Variants in SOX5 observed in about 807,000 individuals in gnomAD.
The protein encoded by SOX5 is SRY-box transcription factor 5.
Under a neutral mutation model 92.0 loss-of-function variants are expected in SOX5, and 9 were observed. That is an observed-to-expected ratio of 0.10 (90% CI 0.06 to 0.17). SOX5 has a LOEUF of 0.17. SOX5 is among the 10% of genes least tolerant of loss of function. SOX5 has a pLI of 1.00. For missense variants in SOX5, 642 were observed against 944.5 expected, an observed-to-expected ratio of 0.68 and a Z score of 4.20; for synonymous variants, 344 against 336.3, an observed-to-expected ratio of 1.02 and a Z score of -0.25.
chr12:24,187,164 A>T (rs939210987), intron 4 of SOX5, among the ~76,000 whole-genome samples: 44 of 152,284 alleles, frequency 2.9e-4, no homozygotes, highest in African/African-American at 1.1e-3. Context: ...CGTGGCTCAG[A>T]AGCATCTGAG....
chr12:23,721,994 A>T (rs777659859), intron 6 of SOX5, among the ~76,000 whole-genome samples: 1 of 152,218 alleles, frequency 6.6e-6, no homozygotes. Flanking sequence ...GGTAAATATC[A>T]TTGAGAAATA....
chr12:24,168,781 G>A (rs1230920274), intron 4 of SOX5, among the ~76,000 whole-genome samples: 1 of 152,104 alleles, frequency 6.6e-6, no homozygotes, highest in Non-Finnish European at 1.5e-5. Context: ...ACGGTGGGAG[G>A]AAAATCTTAC....
chr12:23,540,638 C>A (rs1219634258), intron 13 of SOX5, among the ~76,000 whole-genome samples: 1 of 152,100 alleles, frequency 6.6e-6, no homozygotes, highest in African/African-American at 2.4e-5. Flanking sequence ...TATATCTAAT[C>A]AGAAAAAGAT....
At chr12:24,125,262 C>A (rs1442090252) in intron 4 of SOX5, among the ~76,000 whole-genome samples, 1 of 152,156 alleles carries the variant, frequency 6.6e-6, no homozygotes, top group South Asian at 2.1e-4. Flanking sequence ...TTAGAAAACA[C>A]CAGTTATGGG....
At chr12:23,935,428 A>G (rs1942327733) in intron 1 of SOX5, among the ~76,000 whole-genome samples, 1 of 151,290 alleles carries the variant, frequency 6.6e-6, no homozygotes, top group Admixed American at 6.6e-5. Flanking sequence ...TAGCAAAAAC[A>G]AATCAGATAA....
At chr12:23,749,831 T>C (rs965525717) in intron 4 of SOX5, among the ~76,000 whole-genome samples, 1 of 151,926 alleles carries the variant, frequency 6.6e-6, no homozygotes, top group Non-Finnish European at 1.5e-5. Flanking sequence ...ATAATAGTTA[T>C]CCCAAAACAT....
chr12:23,840,974 C>G (rs982548039), intron 3 of SOX5, among the ~76,000 whole-genome samples: 2 of 152,010 alleles, frequency 1.3e-5, no homozygotes, highest in Admixed American at 6.6e-5. Flanking sequence ...CCATGCAAAA[C>G]AATTAATAAT....
chr12:24,088,373 G>A (rs1007668102), intron 4 of SOX5, among the ~76,000 whole-genome samples: 1 of 151,852 alleles, frequency 6.6e-6, no homozygotes, highest in Admixed American at 6.6e-5. Context: ...ATTTTAATAA[G>A]AACAGTCTAC....
intron 2 of SOX5, among the ~76,000 whole-genome samples, chr12:23,894,035 C>G (rs185055872): frequency 4.4e-4 from 67 of 152,218 alleles, no homozygotes; most frequent in Admixed American, 3.8e-3. Context: ...AAATCCTGGT[C>G]CTTCCATGAA....
At chr12:23,689,860 G>A (rs549499824) in intron 6 of SOX5, among the ~76,000 whole-genome samples, 2 of 152,146 alleles carry the variant, frequency 1.3e-5, no homozygotes, top group East Asian at 3.8e-4. Context: ...GTTTAATTCA[G>A]AAAAAATACA....
chr12:24,247,133 C>T (rs1240794489), intron 3 of SOX5, among the ~76,000 whole-genome samples: 2 of 152,124 alleles, frequency 1.3e-5, no homozygotes, highest in Non-Finnish European at 2.9e-5. Flanking sequence ...TCCTGAGTGC[C>T]TCCGATGCCG....
At chr12:24,310,869 T>TA (rs1335061131) in intron 2 of SOX5, among the ~76,000 whole-genome samples, 1 of 151,590 alleles carries the variant, frequency 6.6e-6, no homozygotes, top group African/African-American at 2.4e-5. Context: ...TTTTTTTTTT[T>TA]AACTCTAAAA....
intron 4 of SOX5, among the ~76,000 whole-genome samples, chr12:24,075,211 G>T (rs1339532402): frequency 6.9e-6 from 1 of 145,756 alleles, no homozygotes; most frequent in South Asian, 2.2e-4. Flanking sequence ...TGAGGCTTCA[G>T]TGAGCTATGA....
chr12:24,432,852 T>C (rs542226619), intron 1 of SOX5, among the ~76,000 whole-genome samples: 1 of 150,652 alleles, frequency 6.6e-6, no homozygotes, highest in Non-Finnish European at 1.5e-5. Context: ...AGGTGTAAAA[T>C]ACACACACAC....
chr12:24,460,954 A>G (rs1285482034), intron 1 of SOX5, among the ~76,000 whole-genome samples: 1 of 152,224 alleles, frequency 6.6e-6, no homozygotes, highest in East Asian at 1.9e-4. Context: ...TTGCTCTTGC[A>G]GACCATATTT....
chr12:23,546,198 T>C, intron 12 of SOX5, 118 bp downstream of exon 12: 3 of 641,738 alleles, frequency 4.7e-6, no homozygotes, highest in Non-Finnish European at 8.3e-6. Context: ...ATATGTGACC[T>C]CTTATTGTAA....
rs1190937001 is a variant in SOX5 at position 23,845,880 on chromosome 12, ATTTAAC to A, written c.481+97_481+102del. On this transcript the variant is annotated intron_variant, in intron 3 of 14. Coordinates refer to ENST00000451604, the MANE Select transcript of SOX5 (RefSeq NM_006940.6). Reference sequence around the variant, plus strand: ...TAGCAATAGGTTTCCATCTTGCCCAATTTAACTTTAAGAGTATAAATCAAAAAACAA... The same window carrying A: ...TAGCAATAGGTTTCCATCTTGCCCAATTTAAGAGTATAAATCAAAAAACAA... 1.5e-5 allele frequency: 14 copies of A among 964,362 alleles called. No individual in the cohort carries two copies. The East Asian group carries it at 2.8e-4, about 19-fold the overall frequency. The allele number at this position is 964,362 out of a possible 1,614,324, so 59.7% of individuals were successfully genotyped here. A position where few individuals can be genotyped will look rare whatever the true frequency, so the allele number is the denominator to read the frequency against.
chr12:24,281,850 T>C (rs1406069446), intron 2 of SOX5, among the ~76,000 whole-genome samples: 1 of 152,174 alleles, frequency 6.6e-6, no homozygotes, highest in Non-Finnish European at 1.5e-5. Context: ...AACAGCTAGC[T>C]AGGCTGGTAC....
At chr12:23,609,711 G>T (rs896944376) in intron 8 of SOX5, among the ~76,000 whole-genome samples, 1 of 152,058 alleles carries the variant, frequency 6.6e-6, no homozygotes, top group Non-Finnish European at 1.5e-5. Context: ...GACAAAGGAA[G>T]TATTAATTCA....
Sources: gnomAD v4.1 joint callset for allele counts (sites outside exome capture counted in the v4.1 genomes callset) on GRCh38, gnomAD v4.1.1 for gene constraint, MANE v1.5 for transcripts, NCBI Gene and HGNC (gene_info 2026-07-23, HGNC 2026-07-21) for gene names.